The following CEP120 variants were observed in gnomAD, a reference collection of about 807,000 sequenced individuals.
CEP120 encodes centrosomal protein 120.
CEP120 carries 113 observed loss-of-function variants against 126.5 expected under a neutral mutation model. That is an observed-to-expected ratio of 0.89 (90% CI 0.77 to 1.04). CEP120 has a LOEUF of 1.04. Among genes scored for constraint, CEP120 ranks in the 50% least tolerant of loss-of-function variants. The probability of loss-of-function intolerance (pLI) is 0.00; values close to 1 mark genes in which losing one functional copy is unlikely to be tolerated. For missense variants in CEP120, 1,230 were observed against 1,155.7 expected (o/e 1.06, Z -0.93); for synonymous variants, 400 against 394.3 (o/e 1.01, Z -0.17).
At chr5:123,360,032 A>G (rs1012739402) in intron 18 of CEP120, among the ~76,000 whole-genome samples, 2 of 151,956 alleles carry the variant, frequency 1.3e-5, no homozygotes, top group African/African-American at 4.8e-5. Context: ...GAGGGTTTTG[A>G]TGTGACAAAT....
At chr5:123,404,510 T>C (rs62376440) in intron 4 of CEP120, among the ~76,000 whole-genome samples, 4 of 152,026 alleles carry the variant, frequency 2.6e-5, no homozygotes, top group Non-Finnish European at 5.9e-5. Context: ...GAAGAGCGTG[T>C]ACAGAATGAG....
intron 4 of CEP120, chr5:123,402,402 A>C: frequency 7.8e-7 from 1 of 1,287,396 alleles, no homozygotes; most frequent in Non-Finnish European, 1.0e-6. Flanking sequence ...GAAGGAGCGG[A>C]GAAGCTGCTT....
chr5:123,388,273 T>A (rs1446667787), intron 9 of CEP120, 159 bp downstream of exon 9: 1 of 424,990 alleles, frequency 2.4e-6, no homozygotes, highest in Non-Finnish European at 4.1e-6. Context: ...TACCCTTGTT[T>A]GAATTCAAAA....
chr5:123,412,299 T>G (rs1774107321), intron 4 of CEP120, 100 bp downstream of exon 4: 2 of 1,126,850 alleles, frequency 1.8e-6, no homozygotes, highest in South Asian at 3.9e-5. Context: ...GATGAACAGT[T>G]TACACCCTGC....
Position 123,385,029 on chromosome 5 carries a change from G to T in CEP120, c.1685C>A (p.Thr562Asn). The T allele has an allele frequency of 1.9e-6, 3 of 1,613,718 alleles. No individual in the cohort carries two copies. The highest frequency in any genetic ancestry group is 2.5e-6 in the Non-Finnish European group (3 of 1,179,792). ...TTCACCATTAGAACCTAAAAAACGAGTTTTTTCTGAAGACAAGATGTTAGA... is the reference window on the plus strand; with the variant it reads ...TTCACCATTAGAACCTAAAAAACGATTTTTTTCTGAAGACAAGATGTTAGA... ...QLSNILSSEK[T>N]RFLGSNGEQC... Residue 562 changes from threonine to asparagine, a missense_variant, in exon 11 of 20, where the codon ACT becomes AAT. Coordinates refer to ENST00000306467, the MANE Select transcript of CEP120 (RefSeq NM_001375405.1).
chr5:123,401,398 G>A, intron 4 of CEP120: 2 of 1,466,206 alleles, frequency 1.4e-6, no homozygotes, highest in Non-Finnish European at 9.5e-7. Context: ...CCTGGAGCCG[G>A]CTGATGTTCC....
At chr5:123,352,918 C>T (rs1769297554) in intron 18 of CEP120, among the ~76,000 whole-genome samples, 1 of 141,848 alleles carries the variant, frequency 7.0e-6, no homozygotes. Flanking sequence ...ACAATTTTCA[C>T]TTCCTAATTG....
intron 14 of CEP120, among the ~76,000 whole-genome samples, chr5:123,379,096 C>T (rs951953939): frequency 2.0e-5 from 3 of 151,864 alleles, no homozygotes; most frequent in East Asian, 1.9e-4. Context: ...AGAGATAAAC[C>T]GGGTAAGGAT....
Position 123,386,675 on chromosome 5 carries a change from T to G in CEP120, c.1431-8A>C. On this transcript the variant is annotated splice_region_variant and splice_polypyrimidine_tract_variant and intron_variant, in intron 9 of 19. Transcript: ENST00000306467. ...AAGAATGGATATGAGTACCTAGAAT[T>G]TAAAAAAAAAAAAAAAAAAAAAAGC... 1 of 688,340 alleles carries G rather than the reference T, an allele frequency of 1.5e-6. No homozygotes were observed. 42.6% of individuals were successfully genotyped at this position (688,340 alleles called of 1,614,324 possible). A position where few individuals can be genotyped will look rare whatever the true frequency, so the allele number is the denominator to read the frequency against.
intron 3 of CEP120, among the ~76,000 whole-genome samples, chr5:123,415,541 T>TA (rs1478000970): frequency 2.0e-5 from 3 of 152,246 alleles, no homozygotes; most frequent in Admixed American, 1.3e-4. Context: ...ACTAAAATGT[T>TA]GAGATTTTCT....
chr5:123,347,231 T>A (rs934780400), intron 19 of CEP120, among the ~76,000 whole-genome samples: 3 of 152,204 alleles, frequency 2.0e-5, no homozygotes, highest in Admixed American at 6.5e-5. Flanking sequence ...CTCTAAATTG[T>A]TTTATAATAT....
chr5:123,420,654 A>G (rs1003793333), intron 1 of CEP120, among the ~76,000 whole-genome samples: 4 of 152,214 alleles, frequency 2.6e-5, no homozygotes, highest in Admixed American at 6.5e-5. Flanking sequence ...TTTCAGAAAG[A>G]TCATCCCCAG....
intron 14 of CEP120, among the ~76,000 whole-genome samples, chr5:123,380,803 T>C (rs1317580378): frequency 6.6e-6 from 1 of 152,076 alleles, no homozygotes; most frequent in Non-Finnish European, 1.5e-5. Flanking sequence ...TCCCCCAGAT[T>C]CAATGAATAT....
At chr5:123,400,951 C>G (rs898601057) in intron 4 of CEP120, 1 of 1,552,130 alleles carries the variant, frequency 6.4e-7, no homozygotes, top group African/African-American at 1.4e-5. Context: ...GACTCGGACA[C>G]CAGCTTCCCA....
chr5:123,415,882 C>A, intron 3 of CEP120, 128 bp downstream of exon 3: 4 of 539,652 alleles, frequency 7.4e-6, no homozygotes, highest in African/African-American at 1.9e-5. Flanking sequence ...AAAAAAAGAA[C>A]TGCCATATTG....
intron 17 of CEP120, among the ~76,000 whole-genome samples, chr5:123,365,039 G>A (rs1332676308): frequency 6.6e-6 from 1 of 151,548 alleles, no homozygotes; most frequent in Non-Finnish European, 1.5e-5. Flanking sequence ...AGCCAGTAGA[G>A]ATGCTTTTAT....
At chr5:123,360,631 A>ATTACT (rs1462806674) in intron 18 of CEP120, among the ~76,000 whole-genome samples, 2 of 116,076 alleles carry the variant, frequency 1.7e-5, no homozygotes, top group African/African-American at 6.0e-5. Context: ...AATAGCTAAA[A>ATTACT]TTACTTTGCA....
intron 1 of CEP120, among the ~76,000 whole-genome samples, chr5:123,421,725 AT>A (rs1299494711): frequency 6.6e-6 from 1 of 152,066 alleles, no homozygotes; most frequent in Non-Finnish European, 1.5e-5. Flanking sequence ...GAATGGAGGT[AT>A]TTGTTTCCTC....
chr5:123,374,043 T>G (rs565879548), intron 16 of CEP120, among the ~76,000 whole-genome samples: 69 of 152,194 alleles, frequency 4.5e-4, no homozygotes, highest in Admixed American at 1.0e-3. Flanking sequence ...AGACTGAGCA[T>G]TACAGATATG....
Sources: allele counts gnomAD v4.1 joint callset (sites outside exome capture counted in the v4.1 genomes callset), GRCh38; gene constraint gnomAD v4.1.1; transcripts MANE v1.5; gene names NCBI Gene and HGNC (gene_info 2026-07-23, HGNC 2026-07-21).